Variants in SEMA4F observed in about 807,000 individuals in gnomAD.
The protein encoded by SEMA4F is ssemaphorin 4F.
In SEMA4F, 51 loss-of-function variants were observed where a neutral mutation model predicts 78.4. The ratio of observed to expected loss-of-function variants is 0.65; its 90% CI spans 0.52 to 0.82. The LOEUF (loss-of-function observed/expected upper bound fraction) is 0.82. Ranked by LOEUF, SEMA4F falls within the 40% of genes least tolerant of loss-of-function variation. The pLI is 0.00. For missense variants in SEMA4F, 938 were observed against 1,014.4 expected (o/e 0.92, Z 1.02); for synonymous variants, 418 against 408.7 (o/e 1.02, Z -0.27).
rs1308342967 is a variant in SEMA4F, at chr2:74,668,929, CAAAAAAA to C, written c.551-4510_551-4504del. Among the ~76,000 whole-genome samples the C allele has an allele frequency of 1.8e-4, 10 of 55,642 alleles. No individual in the cohort carries two copies. In the South Asian group the frequency reaches 2.8e-3, roughly 16 times the overall value. 36.5% of individuals were successfully genotyped at this position (55,642 alleles called of 152,430 possible). A position where few individuals can be genotyped will look rare whatever the true frequency, so the allele number is the denominator to read the frequency against. On this transcript the variant is annotated intron_variant, in intron 5 of 13. Coordinates refer to ENST00000357877, the MANE Select transcript of SEMA4F (RefSeq NM_004263.5). ...ACAGGCATGAGCCACCAAGCGTGGC[CAAAAAAA>C]AAAAAAAAAAAAAAAAATTAGCTTT...
chr2:74,708,253 T>A, the SEMA4F span, among the ~76,000 whole-genome samples: 2 of 152,196 alleles, frequency 1.3e-5, no homozygotes, highest in African/African-American at 4.8e-5. Flanking sequence ...CCCAGCAAAG[T>A]ACATTTACAA....
At chr2:74,657,812 C>G in intron 3 of SEMA4F, 41 bp from the exon 4 acceptor site, 2 of 1,577,478 alleles carry the variant, frequency 1.3e-6, no homozygotes, top group Non-Finnish European at 1.7e-6. Flanking sequence ...CTTCCTCGTA[C>G]CTGCTGCTTC....
intron 3 of SEMA4F, 69 bp from the exon 4 acceptor site, chr2:74,657,784 T>C (rs1241870703): frequency 1.4e-6 from 2 of 1,475,570 alleles, no homozygotes; most frequent in Admixed American, 3.3e-5. Context: ...CATCTAACTG[T>C]CCTGACGTTA....
chr2:74,664,038 C>T (rs1684559121), intron 5 of SEMA4F, among the ~76,000 whole-genome samples: 4 of 152,204 alleles, frequency 2.6e-5, no homozygotes. Flanking sequence ...TAAACCTCTT[C>T]TGGAGAATGA....
the SEMA4F span, among the ~76,000 whole-genome samples, chr2:74,696,209 T>TA: frequency 4.8e-5 from 7 of 147,310 alleles, no homozygotes; most frequent in Admixed American, 1.4e-4. Flanking sequence ...TTTTTTTTTT[T>TA]AATTGAGACG....
In SEMA4F at chr2:74,679,893, T is replaced by G. The variant is rs754795243; in HGVS notation, c.1997T>G (p.Phe666Cys). ...ACAGTGGGGGCGGGACTGGCTGGCTTCTTCTTGGGGATTCTCGCAGCATCC... is the reference window on the plus strand; with the variant it reads ...ACAGTGGGGGCGGGACTGGCTGGCTGCTTCTTGGGGATTCTCGCAGCATCC... ...AHTVGAGLAG[F>C]FLGILAASLT... is the part of the protein sequence containing the mutation. The change falls in exon 14 of 14, where the codon TTC becomes TGC. Residue 666 changes from phenylalanine to cysteine, a missense_variant. Phe to Cys is a radical substitution (Grantham distance 205, BLOSUM62 -2). Transcript: ENST00000357877. 22 of 1,614,032 alleles carry G rather than the reference T, an allele frequency of 1.4e-5. No homozygotes were observed. The highest frequency in any genetic ancestry group is 3.3e-4 in the Middle Eastern group (2 of 6,084).
Position 74,679,874 on chromosome 2 carries a change from G to A in SEMA4F, c.1978G>A (p.Gly660Arg). Residue 660 changes from glycine to arginine, a missense_variant, in exon 14 of 14, where the codon GGG becomes AGG. Gly to Arg is a moderately radical substitution (Grantham distance 125). Transcript: ENST00000357877. ...TGCTCCGAGCCGGGCCCACACAGTG[G>A]GGGCGGGACTGGCTGGCTTCTTCTT... ...RDAPSRAHTV[G>R]AGLAGFFLGI... 8 of 1,614,244 alleles carry A rather than the reference G, an allele frequency of 5.0e-6. No homozygotes were observed. The highest frequency in any genetic ancestry group is 6.8e-6 in the Non-Finnish European group (8 of 1,180,048).
intron 1 of SEMA4F, among the ~76,000 whole-genome samples, chr2:74,654,884 G>A (rs1006498711): frequency 1.3e-5 from 2 of 152,196 alleles, no homozygotes; most frequent in African/African-American, 4.8e-5. Context: ...CGTTCATTTC[G>A]AAGTTCCGTC....
chr2:74,707,096 A>C, the SEMA4F span, among the ~76,000 whole-genome samples: 9,899 of 151,652 alleles, frequency 0.065, 1,016 homozygotes, highest in African/African-American at 0.22. Context: ...AATGCATTTC[A>C]TGATCCTAGA....
rs1221744936 is a variant in SEMA4F at position 74,675,280 on chromosome 2, G to T, written c.1268G>T (p.Gly423Val). 1 of 1,614,154 alleles carries T rather than the reference G, an allele frequency of 6.2e-7. No homozygotes were observed. Among genetic ancestry groups the T allele is most frequent in the South Asian group, 1.1e-5 (1 of 91,080 alleles). Residue 423 changes from glycine to valine, a missense_variant, in exon 10 of 14, where the codon GGC becomes GTC. Gly to Val is a moderately radical substitution (Grantham distance 109). Transcript: ENST00000357877. Reference protein sequence around the residue: ...LMDRPVFPADGHPLLVTTDTA... With the variant: ...LMDRPVFPADVHPLLVTTDTA... ...GACAGGCCAGTGTTTCCAGCTGATG[G>T]CCACCCCCTGCTGGTCACTACAGAT...
the SEMA4F span, among the ~76,000 whole-genome samples, chr2:74,696,681 C>G: frequency 0.043 from 6,564 of 151,900 alleles, 443 homozygotes; most frequent in African/African-American, 0.14. Context: ...ACTCATGTAA[C>G]CAAATACCAC....
intron 5 of SEMA4F, among the ~76,000 whole-genome samples, chr2:74,666,641 A>G (rs1684713705): frequency 6.6e-6 from 1 of 152,194 alleles, no homozygotes; most frequent in Non-Finnish European, 1.5e-5. Flanking sequence ...GGTCTGACAT[A>G]AGTGCTAGCA....
the SEMA4F span, among the ~76,000 whole-genome samples, chr2:74,693,105 A>C: frequency 6.6e-6 from 1 of 152,246 alleles, no homozygotes; most frequent in South Asian, 2.1e-4. Context: ...ATATAAATAG[A>C]TATTTTCAAT....
chr2:74,700,856 G>A, the SEMA4F span, among the ~76,000 whole-genome samples: 1 of 152,172 alleles, frequency 6.6e-6, no homozygotes, highest in Non-Finnish European at 1.5e-5. Flanking sequence ...TCAGTTCCTG[G>A]TTCTTGTGCT....
the SEMA4F span, among the ~76,000 whole-genome samples, chr2:74,697,535 C>A: frequency 1.3e-5 from 2 of 152,098 alleles, no homozygotes; most frequent in Non-Finnish European, 2.9e-5. Context: ...TTACTACCCT[C>A]TTCTCTTCTG....
chr2:74,662,660 G>T, intron 4 of SEMA4F, 72 bp from the exon 5 acceptor site: 1 of 1,244,536 alleles, frequency 8.0e-7, no homozygotes, highest in South Asian at 1.2e-5. Flanking sequence ...TCCTTCATCT[G>T]ACCATCTTTG....
In SEMA4F at chr2:74,675,286, C is replaced by T. The variant is rs1291091362; in HGVS notation, c.1274C>T (p.Pro425Leu). 2 of 1,614,218 alleles carry T rather than the reference C, an allele frequency of 1.2e-6. No homozygotes were observed. The highest frequency in any genetic ancestry group is 1.1e-5 in the South Asian group (1 of 91,088). ...CCAGTGTTTCCAGCTGATGGCCACC[C>T]CCTGCTGGTCACTACAGATACAGCC... ...DRPVFPADGH[P>L]LLVTTDTAYL... The change falls in exon 10 of 14, where the codon CCC (proline) becomes CTC (leucine). Residue 425 changes from proline to leucine, a missense_variant. By Grantham distance (98) the Pro-to-Leu change is moderately conservative. Coordinates refer to ENST00000357877, the MANE Select transcript of SEMA4F (RefSeq NM_004263.5).
chr2:74,671,152 T>C (rs75624720), intron 5 of SEMA4F, among the ~76,000 whole-genome samples: 7,905 of 152,270 alleles, frequency 0.052, 673 homozygotes, highest in African/African-American at 0.18. Flanking sequence ...GTACTTGGGT[T>C]CAAACCCAAG....
chr2:74,662,811 C>G lies in SEMA4F; in HGVS notation c.536C>G (p.Ala179Gly). The G allele has an allele frequency of 1.2e-6, 2 of 1,614,124 alleles. No homozygotes were observed. Among genetic ancestry groups the G allele is most frequent in the Non-Finnish European group, 1.7e-6 (2 of 1,179,972 alleles). Residue 179 changes from alanine (A) to glycine (G), a missense_variant, in exon 5 of 14, where the codon GCA becomes GGA. Ala to Gly is a moderately conservative substitution (Grantham distance 60). Coordinates refer to ENST00000357877, the MANE Select transcript of SEMA4F (RefSeq NM_004263.5). ...CCTTTTGAGCCAGCTCAGCGGTCAG[C>G]AGCTGTAATGGCTGGTGAGTGGGGA... ...KCPFEPAQRS[A>G]AVMAGGVLYA...
Sources: allele counts gnomAD v4.1 joint callset (sites outside exome capture counted in the v4.1 genomes callset), GRCh38; gene constraint gnomAD v4.1.1; transcripts MANE v1.5; gene names NCBI Gene and HGNC (gene_info 2026-07-23, HGNC 2026-07-21).